The following ENTHD1 variants were observed in gnomAD, a reference collection of about 807,000 sequenced individuals.
ENTHD1 encodes the protein ENTH domain-containing protein 1.
In ENTHD1, 23 loss-of-function variants were observed where a neutral mutation model predicts 39.1. The ratio of observed to expected loss-of-function variants is 0.59; its 90% CI spans 0.42 to 0.83. The LOEUF is 0.83. Ranked by LOEUF, ENTHD1 falls within the 40% of genes least tolerant of loss-of-function variation. The pLI is 0.00. For missense variants in ENTHD1, 624 were observed against 705.4 expected (o/e 0.88, Z 1.31); for synonymous variants, 230 against 258.2 (o/e 0.89, Z 1.05).
intron 3 of ENTHD1, among the ~76,000 whole-genome samples, chr22:39,857,443 CAAAAAAAAAAAAAA>C (rs71197196): frequency 1.2e-4 from 3 of 24,710 alleles, no homozygotes; most frequent in Non-Finnish European, 1.9e-4. Flanking sequence ...AACTCCGTCT[CAAAAAAAAAAAAAA>C]AAAAAAAAAA....
intron 4 of ENTHD1, among the ~76,000 whole-genome samples, chr22:39,826,900 T>C (rs2065830683): frequency 1.3e-5 from 2 of 148,174 alleles, no homozygotes; most frequent in Admixed American, 1.4e-4. Flanking sequence ...TGAGGGAGAG[T>C]CGTGCTCTGT....
Position 39,887,443 on chromosome 22 carries a change from T to A in ENTHD1, c.306A>T (p.Thr102=), listed in dbSNP as rs750277280. The change falls in exon 2 of 7, where the codon ACA becomes ACT. Residue 102 remains threonine (T), a synonymous_variant. Transcript: ENST00000325157. ...HCREGFCNLQ[T]LKDFQHIDEA... ...CATCTATGTGCTGAAAATCTTTTAG[T>A]GTTTGAAGGTTACAGAACCCCTCTC... is the stretch of plus-strand genomic sequence containing the variant. 3.1e-6 allele frequency: 5 copies of A among 1,612,254 alleles called. No homozygotes were observed. In the South Asian group the frequency reaches 5.5e-5, roughly 18 times the overall value.
chr22:39,795,348 A>C (rs1053618337), intron 5 of ENTHD1, among the ~76,000 whole-genome samples: 13 of 152,064 alleles, frequency 8.5e-5, no homozygotes, highest in African/African-American at 3.1e-4. Context: ...TTAGTTCTTC[A>C]TAAGTTTGGT....
intron 6 of ENTHD1, among the ~76,000 whole-genome samples, chr22:39,757,586 A>G (rs1314403229): frequency 1.3e-5 from 2 of 152,130 alleles, no homozygotes; most frequent in African/African-American, 4.8e-5. Flanking sequence ...CTGAGGCAGG[A>G]GAATCACTTG....
At chr22:39,860,531 C>T (rs1480650584) in intron 3 of ENTHD1, among the ~76,000 whole-genome samples, 18 of 152,228 alleles carry the variant, frequency 1.2e-4, no homozygotes, top group Non-Finnish European at 2.6e-4. Flanking sequence ...CTTATAATGT[C>T]TCTCTCCAAT....
At chr22:39,860,370 A>C (rs2066129874) in intron 3 of ENTHD1, among the ~76,000 whole-genome samples, 1 of 152,224 alleles carries the variant, frequency 6.6e-6, no homozygotes, top group Admixed American at 6.5e-5. Flanking sequence ...TTTTAGCATC[A>C]GTTTGATTTA....
intron 1 of ENTHD1, among the ~76,000 whole-genome samples, chr22:39,889,304 A>T (rs1368632887): frequency 6.6e-6 from 1 of 152,176 alleles, no homozygotes. Context: ...CATATACTAA[A>T]ACTTAAAAGG....
intron 4 of ENTHD1, among the ~76,000 whole-genome samples, chr22:39,829,825 T>TAAATAAATAAAA (rs1320866748): frequency 6.6e-6 from 1 of 151,222 alleles, no homozygotes; most frequent in African/African-American, 2.4e-5. Context: ...AATAAATAAA[T>TAAATAAATAAAA]AAAATAATTT....
chr22:39,858,891 G>A (rs1443209870), intron 3 of ENTHD1, among the ~76,000 whole-genome samples: 1 of 152,136 alleles, frequency 6.6e-6, no homozygotes, highest in African/African-American at 2.4e-5. Flanking sequence ...TTGAAGCCAG[G>A]CATTGACTTC....
intron 6 of ENTHD1, among the ~76,000 whole-genome samples, chr22:39,745,245 G>A (rs1478550001): frequency 6.6e-6 from 1 of 152,030 alleles, no homozygotes; most frequent in Non-Finnish European, 1.5e-5. Context: ...TATGATATGT[G>A]ATACAAATTG....
At chr22:39,851,931 C>A (rs769287397) in intron 3 of ENTHD1, among the ~76,000 whole-genome samples, 8 of 152,140 alleles carry the variant, frequency 5.3e-5, no homozygotes, top group Non-Finnish European at 7.4e-5. Context: ...AGTCTCATTG[C>A]CTGAAGGAGA....
Position 39,779,402 on chromosome 22 carries a change from C to T in ENTHD1, c.833-13793G>A, listed in dbSNP as rs180759043. ...AAAACCAAGCAGATTTAACAAAGAT[C>T]CAAATAGAACTTCTAAAAATGAAAA... On this transcript the variant is annotated intron_variant, in intron 5 of 6. Transcript: ENST00000325157. Among the ~76,000 whole-genome samples, 293 of 151,960 alleles carry T rather than the reference C, an allele frequency of 1.9e-3. 2 individuals are homozygous for T. In the Middle Eastern group the frequency reaches 0.02, roughly 11 times the overall value.
chr22:39,848,277 C>T lies in ENTHD1; in HGVS notation c.593-12319G>A, dbSNP rs552682379. 1.4e-4 allele frequency among the ~76,000 whole-genome samples: 21 copies of T among 148,702 alleles called. No homozygotes were observed. The South Asian group carries it at 3.4e-3, about 24-fold the overall frequency. The stretch of plus-strand genomic sequence containing the variant: ...TAATTAATTTTTTTTTTTTTTGAGA[C>T]GGAGTCTCACTCTGTCACCAGGCTG... On this transcript the variant is annotated intron_variant, in intron 3 of 6. Transcript: ENST00000325157.
At chr22:39,805,810 T>C (rs865872141) in intron 5 of ENTHD1, among the ~76,000 whole-genome samples, 1 of 151,154 alleles carries the variant, frequency 6.6e-6, no homozygotes, top group African/African-American at 2.4e-5. Flanking sequence ...GGTTTGTTTG[T>C]TTTTTTTTGA....
At chr22:39,819,802 CAG>C (rs1409125143) in intron 5 of ENTHD1, among the ~76,000 whole-genome samples, 3 of 152,132 alleles carry the variant, frequency 2.0e-5, no homozygotes, top group Non-Finnish European at 4.4e-5. Context: ...TGGTGTGGAA[CAG>C]GGGTACGTGG....
intron 3 of ENTHD1, among the ~76,000 whole-genome samples, chr22:39,854,279 A>G (rs1347012895): frequency 2.0e-5 from 3 of 152,222 alleles, no homozygotes; most frequent in Admixed American, 2.0e-4. Flanking sequence ...ATGTTATTCA[A>G]GGACCTACTG....
At chr22:39,875,443 C>T (rs936696883) in intron 2 of ENTHD1, 5 of 1,520,640 alleles carry the variant, frequency 3.3e-6, no homozygotes, top group Admixed American at 4.4e-5. Context: ...CCTTCCTCAG[C>T]CGGGAGTCGC....
intron 3 of ENTHD1, among the ~76,000 whole-genome samples, chr22:39,857,471 A>AAAG (rs1555940780): frequency 8.4e-6 from 1 of 118,574 alleles, no homozygotes; most frequent in Non-Finnish European, 1.8e-5. Context: ...AAAAAAAAAA[A>AAAG]GCAATCTGTG....
intron 3 of ENTHD1, among the ~76,000 whole-genome samples, chr22:39,854,120 C>G (rs192367763): frequency 6.6e-6 from 1 of 152,038 alleles, no homozygotes; most frequent in Non-Finnish European, 1.5e-5. Flanking sequence ...ATTCACCCAC[C>G]GTGCACATCC....
Sources: gnomAD v4.1 joint callset for allele counts (sites outside exome capture counted in the v4.1 genomes callset) on GRCh38, gnomAD v4.1.1 for gene constraint, MANE v1.5 for transcripts, NCBI Gene and HGNC (gene_info 2026-07-23, HGNC 2026-07-21) for gene names.